PROSER1: variants seen among roughly 807,000 people sequenced by gnomAD.
The protein encoded by PROSER1 is proline and serine rich 1.
In PROSER1, 36 loss-of-function variants were observed where a neutral mutation model predicts 71.8. The ratio of observed to expected loss-of-function variants is 0.50; its 90% CI spans 0.38 to 0.66. The LOEUF (loss-of-function observed/expected upper bound fraction) is 0.66, where lower values mean the gene tolerates loss of function less well. PROSER1 is among the 30% of genes least tolerant of loss of function. PROSER1 has a pLI of 0.00. For missense variants in PROSER1, 1,107 were observed against 1,135.0 expected, an observed-to-expected ratio of 0.98 and a Z score of 0.35; for synonymous variants, 490 against 452.4, an observed-to-expected ratio of 1.08 and a Z score of -1.06.
chr13:39,013,199 C>G lies in PROSER1; in HGVS notation c.2053G>C (p.Gly685Arg). 2 of 1,613,958 alleles carry G rather than the reference C, an allele frequency of 1.2e-6. No homozygotes were observed. The highest frequency in any genetic ancestry group is 2.2e-5 in the East Asian group (1 of 44,852). The change falls in exon 11 of 13, where the codon GGT becomes CGT. Residue 685 changes from glycine (G) to arginine (R), a missense_variant. Gly to Arg is a moderately radical substitution (Grantham distance 125). Coordinates refer to ENST00000352251, the MANE Select transcript of PROSER1 (RefSeq NM_025138.5). ...PLSSISLPPH[G>R]SSTPIAPVFT... The stretch of plus-strand genomic sequence containing the variant: ...ACTGGTGCAATGGGAGTGGAGGAAC[C>G]ATGTGGTGGAAGGGAAATAGAGGAA...
In PROSER1 at chr13:39,013,713, T is replaced by G; in HGVS notation, c.1539A>C (p.Ser513=). 6.2e-7 allele frequency: 1 copy of G among 1,614,160 alleles called. No individual in the cohort carries two copies. Among genetic ancestry groups the G allele is most frequent in the Non-Finnish European group, 8.5e-7 (1 of 1,180,026 alleles). Residue 513 remains serine (S), a synonymous_variant, in exon 11 of 13, where the codon TCA becomes TCC. Coordinates refer to ENST00000352251, the MANE Select transcript of PROSER1 (RefSeq NM_025138.5). The part of the protein sequence containing the change: ...LTLQNSDSSA[S]APNKCYAPSA... ...ATGGGGCATAGCACTTGTTAGGGGC[T>G]GAAGCAGAAGAGTCAGAGTTCTGAA...
intron 9 of PROSER1, among the ~76,000 whole-genome samples, 153 bp downstream of exon 9, chr13:39,022,173 C>A (rs759004564): frequency 6.6e-6 from 1 of 152,190 alleles, no homozygotes; most frequent in Non-Finnish European, 1.5e-5. Context: ...ACTATGAAAA[C>A]TGTCCCACAT....
At position 39,037,344 on chromosome 13, in the gene PROSER1, G is replaced by A. The variant is rs1871165770; in HGVS notation, c.-102C>T. ...ATAGTAAAAAATATTTATAGCTGAG[G>A]AGGAAAAAGACTCCACGAGCAAGAG... On this transcript the variant is annotated 5_prime_UTR_variant, in exon 1 of 13. Transcript: ENST00000352251. 4 of 863,528 alleles carry A rather than the reference G, an allele frequency of 4.6e-6. No individual in the cohort carries two copies. Among genetic ancestry groups the A allele is most frequent in the Non-Finnish European group, 7.8e-6 (4 of 512,398 alleles). The allele number at this position is 863,528 out of a possible 1,614,324, so 53.5% of individuals were successfully genotyped here. A position where few individuals can be genotyped will look rare whatever the true frequency, so the allele number is the denominator to read the frequency against.
intron 6 of PROSER1, among the ~76,000 whole-genome samples, chr13:39,025,347 C>A: frequency 6.6e-6 from 1 of 152,120 alleles, no homozygotes; most frequent in East Asian, 1.9e-4. Context: ...GAAGCCAACT[C>A]CCAAGATGTC....
intron 4 of PROSER1, 168 bp downstream of exon 4, chr13:39,029,113 T>C: frequency 2.2e-6 from 1 of 453,280 alleles, no homozygotes; most frequent in Non-Finnish European, 3.8e-6. Flanking sequence ...TATAGTCATA[T>C]ATGTAATAAG....
Position 39,024,559 on chromosome 13 carries a change from A to AT in PROSER1, c.481-4dup, listed in dbSNP as rs1238469521. Reference sequence around the variant, plus strand: ...CCATCTTTTTTCAAAGGAGTTCCCTATTAAAAAAAAAAAAAAAAGGTAATT... The same window carrying AT: ...CCATCTTTTTTCAAAGGAGTTCCCTATTTAAAAAAAAAAAAAAAAGGTAATT... On this transcript the variant is annotated splice_region_variant and splice_polypyrimidine_tract_variant and intron_variant, in intron 6 of 12. Transcript: ENST00000352251. 27 of 1,439,724 alleles carry AT rather than the reference A, an allele frequency of 1.9e-5. No homozygotes were observed. Among genetic ancestry groups the AT allele is most frequent in the East Asian group, 1.2e-4 (5 of 40,794 alleles). The allele number at this position is 1,439,724 out of a possible 1,614,324, so 89.2% of individuals were successfully genotyped here.
chr13:39,022,440 T>C (rs370137315), intron 8 of PROSER1, 28 bp from the exon 9 acceptor site: 4 of 1,478,682 alleles, frequency 2.7e-6, no homozygotes, highest in South Asian at 2.3e-5. Flanking sequence ...TAGAAAAAAA[T>C]ATACCTTAGG....
chr13:39,012,728 T>A lies in PROSER1; in HGVS notation c.2524A>T (p.Ser842Cys), dbSNP rs1475192908. 6.2e-7 allele frequency: 1 copy of A among 1,603,292 alleles called. No individual in the cohort carries two copies. Among genetic ancestry groups the A allele is most frequent in the Admixed American group, 1.7e-5 (1 of 57,996 alleles). Reference sequence around the variant, plus strand: ...ACAAGAGCGGAGTTGAAATTGGAACTGAATGCTGAGGCGAATCCTGGGAGG... The same window carrying A: ...ACAAGAGCGGAGTTGAAATTGGAACAGAATGCTGAGGCGAATCCTGGGAGG... Reference protein sequence around the residue: ...PVLPGFASAFSSNFNSALVAQ... With the variant: ...PVLPGFASAFCSNFNSALVAQ... The change falls in exon 11 of 13, where the codon AGT (serine) becomes TGT (cysteine). Residue 842 changes from serine to cysteine, a missense_variant. Ser to Cys is a moderately radical substitution (Grantham distance 112, BLOSUM62 -1). Coordinates refer to ENST00000352251, the MANE Select transcript of PROSER1 (RefSeq NM_025138.5).
intron 9 of PROSER1, among the ~76,000 whole-genome samples, chr13:39,020,454 C>T (rs1396494034): frequency 6.6e-6 from 1 of 151,768 alleles, no homozygotes; most frequent in Non-Finnish European, 1.5e-5. Flanking sequence ...AATAAAAATA[C>T]AAAAATATAT....
At chr13:39,025,451 G>A (rs1238454628) in intron 6 of PROSER1, among the ~76,000 whole-genome samples, 2 of 152,126 alleles carry the variant, frequency 1.3e-5, no homozygotes. Context: ...TTGCAGAAAG[G>A]ATGGCATCTG....
chr13:39,029,402 T>G, intron 3 of PROSER1, 27 bp from the exon 4 acceptor site: 2 of 1,297,918 alleles, frequency 1.5e-6, no homozygotes, highest in Non-Finnish European at 2.1e-6. Context: ...TAATTTTATT[T>G]TTAACGTGAA....
chr13:39,036,778 T>C (rs911765350), intron 1 of PROSER1, among the ~76,000 whole-genome samples: 6 of 152,210 alleles, frequency 3.9e-5, no homozygotes, highest in African/African-American at 1.4e-4. Context: ...TACCTTATGC[T>C]TAGATTTGAA....
chr13:39,024,597 A>T (rs1870458115), intron 6 of PROSER1, 41 bp from the exon 7 acceptor site: 1 of 1,432,152 alleles, frequency 7.0e-7, no homozygotes, highest in Non-Finnish European at 9.5e-7. Flanking sequence ...AACTTAAAAA[A>T]AAAACCCTCA....
In PROSER1 at chr13:39,013,202, G is replaced by A; in HGVS notation, c.2050C>T (p.His684Tyr). 5 of 1,614,134 alleles carry A rather than the reference G, an allele frequency of 3.1e-6. No homozygotes were observed. Among genetic ancestry groups the A allele is most frequent in the Non-Finnish European group, 4.2e-6 (5 of 1,180,012 alleles). The change falls in exon 11 of 13, where the codon CAT (histidine) becomes TAT (tyrosine). Residue 684 changes from histidine to tyrosine, a missense_variant. By Grantham distance (83) the His-to-Tyr change is moderately conservative. Transcript: ENST00000352251. ...GGTGCAATGGGAGTGGAGGAACCAT[G>A]TGGTGGAAGGGAAATAGAGGAAAGA... ...NPLSSISLPPHGSSTPIAPVF... is the reference protein window; with the variant it reads ...NPLSSISLPPYGSSTPIAPVF...
At position 39,037,346 on chromosome 13, in the gene PROSER1, G is replaced by C. The variant is rs1209508544; in HGVS notation, c.-104C>G. The C allele has an allele frequency of 1.2e-6, 1 of 834,846 alleles. No homozygotes were observed. The highest frequency in any genetic ancestry group is 2.0e-6 in the Non-Finnish European group (1 of 490,014). 51.7% of individuals were successfully genotyped at this position (834,846 alleles called of 1,614,324 possible). ...AGTAAAAAATATTTATAGCTGAGGA[G>C]GAAAAAGACTCCACGAGCAAGAGAG... is the stretch of plus-strand genomic sequence containing the variant. On this transcript the variant is annotated 5_prime_UTR_variant, in exon 1 of 13. Transcript: ENST00000352251.
chr13:39,015,058 C>T (rs1202197633), intron 10 of PROSER1, among the ~76,000 whole-genome samples: 1 of 152,140 alleles, frequency 6.6e-6, no homozygotes, highest in South Asian at 2.1e-4. Flanking sequence ...AACCCCTAAC[C>T]CTTACCTGGC....
intron 3 of PROSER1, among the ~76,000 whole-genome samples, chr13:39,029,990 G>T (rs1870760546): frequency 1.3e-5 from 2 of 152,142 alleles, no homozygotes; most frequent in Non-Finnish European, 2.9e-5. Context: ...ACATTCAGAA[G>T]ATTTGGCCAA....
At position 39,037,363 on chromosome 13, in the gene PROSER1, G is replaced by T; in HGVS notation, c.-121C>A. The T allele has an allele frequency of 1.3e-6, 1 of 754,338 alleles. No individual in the cohort carries two copies. The allele number at this position is 754,338 out of a possible 1,614,324, so 46.7% of individuals were successfully genotyped here. A position where few individuals can be genotyped will look rare whatever the true frequency, so the allele number is the denominator to read the frequency against. On this transcript the variant is annotated 5_prime_UTR_variant, in exon 1 of 13. Coordinates refer to ENST00000352251, the MANE Select transcript of PROSER1 (RefSeq NM_025138.5). The stretch of plus-strand genomic sequence containing the variant: ...GCTGAGGAGGAAAAAGACTCCACGA[G>T]CAAGAGAGGATGCGAAGAGGTAGAG...
chr13:39,014,597 T>C (rs894397000), intron 10 of PROSER1, 121 bp from the exon 11 acceptor site: 2 of 723,134 alleles, frequency 2.8e-6, no homozygotes, highest in East Asian at 2.7e-5. Flanking sequence ...ATGACAAGTA[T>C]AACAGGCTCT....
Sources: gnomAD v4.1 joint callset for allele counts (sites outside exome capture counted in the v4.1 genomes callset) on GRCh38, gnomAD v4.1.1 for gene constraint, MANE v1.5 for transcripts, NCBI Gene and HGNC (gene_info 2026-07-23, HGNC 2026-07-21) for gene names.